LTBP1: variants seen among roughly 807,000 people sequenced by gnomAD.
LTBP1 encodes latent transforming growth factor beta binding protein 1, also known as latent-transforming growth factor beta-binding protein 1.
Under a neutral mutation model 207.6 loss-of-function variants are expected in LTBP1, and 129 were observed. The ratio of observed to expected loss-of-function variants is 0.62; its 90% CI spans 0.54 to 0.72. The LOEUF (loss-of-function observed/expected upper bound fraction) is 0.72. LTBP1 is among the 30% of genes least tolerant of loss of function. The pLI is 0.00. For missense variants in LTBP1, 2,281 were observed against 2,217.2 expected (o/e 1.03, Z -0.58); for synonymous variants, 963 against 833.7 (o/e 1.16, Z -2.67).
At chr2:33,200,043 A>G (rs2089033935) in intron 7 of LTBP1, among the ~76,000 whole-genome samples, 1 of 152,196 alleles carries the variant, frequency 6.6e-6, no homozygotes, top group Non-Finnish European at 1.5e-5. Flanking sequence ...GAAAATGGCC[A>G]TACTGCCCAA....
chr2:33,382,836 G>C (rs1165963103), intron 31 of LTBP1, among the ~76,000 whole-genome samples: 1 of 152,158 alleles, frequency 6.6e-6, no homozygotes, highest in East Asian at 1.9e-4. Flanking sequence ...ACATATTTTA[G>C]TTTTAGGGAA....
Position 33,257,522 on chromosome 2 carries a change from T to A in LTBP1, c.2395+11T>A, listed in dbSNP as rs766689805. The A allele has an allele frequency of 6.2e-7, 1 of 1,604,186 alleles. No individual in the cohort carries two copies. The highest frequency in any genetic ancestry group is 8.5e-7 in the Non-Finnish European group (1 of 1,171,260). On this transcript the variant is annotated intron_variant, in intron 12 of 33. Coordinates refer to ENST00000404816, the MANE Select transcript of LTBP1 (RefSeq NM_206943.4). ...TGGCGGAGCCAGAAGGTGAGAGCGGTAATGGATCATGGACTCTAGACATCT... is the reference window on the plus strand; with the variant it reads ...TGGCGGAGCCAGAAGGTGAGAGCGGAAATGGATCATGGACTCTAGACATCT...
chr2:33,092,097 A>G (rs1306554143), intron 3 of LTBP1, among the ~76,000 whole-genome samples: 2 of 152,284 alleles, frequency 1.3e-5, no homozygotes, highest in East Asian at 3.9e-4. Flanking sequence ...CTTGTTCTAT[A>G]GTTCTTTGCC....
intron 3 of LTBP1, among the ~76,000 whole-genome samples, chr2:33,067,046 C>CT (rs2077546471): frequency 6.6e-6 from 1 of 152,158 alleles, no homozygotes; most frequent in Non-Finnish European, 1.5e-5. Context: ...TGGTGGCATG[C>CT]CTGTAGTCCC....
At chr2:33,224,430 GTTTA>G (rs888312182) in intron 9 of LTBP1, among the ~76,000 whole-genome samples, 2 of 152,128 alleles carry the variant, frequency 1.3e-5, no homozygotes, top group African/African-American at 4.8e-5. Flanking sequence ...GGTATGGTGT[GTTTA>G]TTTGTTTGCC....
chr2:33,278,451 C>G (rs2093492101), intron 18 of LTBP1, among the ~76,000 whole-genome samples: 1 of 152,200 alleles, frequency 6.6e-6, no homozygotes, highest in African/African-American at 2.4e-5. Flanking sequence ...AGAAGATTTT[C>G]TCAGCTGTCA....
intron 20 of LTBP1, among the ~76,000 whole-genome samples, chr2:33,297,419 ATTTATTT>A: frequency 2.0e-5 from 3 of 148,194 alleles, no homozygotes; most frequent in Non-Finnish European, 4.5e-5. Context: ...TTATTTATTT[ATTTATTT>A]ATTTATTTAT....
chr2:33,001,386 G>T (rs946900483), intron 2 of LTBP1, among the ~76,000 whole-genome samples: 3 of 135,028 alleles, frequency 2.2e-5, no homozygotes, highest in Non-Finnish European at 4.9e-5. Context: ...TCTGAGGTGG[G>T]ACGTGAGAAC....
chr2:33,389,939 A>G (rs923921087), intron 32 of LTBP1, among the ~76,000 whole-genome samples: 2 of 152,154 alleles, frequency 1.3e-5, no homozygotes, highest in African/African-American at 2.4e-5. Flanking sequence ...TGCCCTGCCT[A>G]TCATTATAAT....
At chr2:33,301,828 C>G (rs10495788) in intron 22 of LTBP1, among the ~76,000 whole-genome samples, 184 bp downstream of exon 22, 4,049 of 152,278 alleles carry the variant, frequency 0.027, 179 homozygotes, top group East Asian at 0.17. Context: ...TCCAGATTAT[C>G]TTTGCACTGC....
intron 3 of LTBP1, among the ~76,000 whole-genome samples, chr2:33,094,103 G>GT (rs2079256257): frequency 6.6e-6 from 1 of 152,086 alleles, no homozygotes; most frequent in South Asian, 2.1e-4. Context: ...AGCTTTTAGA[G>GT]TTTTTCATAT....
At chr2:33,213,131 G>C (rs1409953804) in intron 7 of LTBP1, among the ~76,000 whole-genome samples, 2 of 152,018 alleles carry the variant, frequency 1.3e-5, no homozygotes, top group Non-Finnish European at 2.9e-5. Flanking sequence ...CTGAATCCTG[G>C]GACAGCTGTG....
intron 31 of LTBP1, among the ~76,000 whole-genome samples, chr2:33,375,702 G>GT (rs1489393884): frequency 2.6e-4 from 35 of 136,746 alleles, no homozygotes; most frequent in South Asian, 7.0e-4. Flanking sequence ...TAATTTTTTT[G>GT]TATTTTTTTT....
chr2:33,382,111 T>TTTTTTTTTTTTTTTTTTTTTTTTTTG (rs1553316521), intron 31 of LTBP1, among the ~76,000 whole-genome samples: 1 of 103,622 alleles, frequency 9.7e-6, no homozygotes, highest in African/African-American at 4.8e-5. Flanking sequence ...TTTTTTTTTT[T>TTTTTTTTTTTTTTTTTTTTTTTTTTG]TGAGACAGAG....
In LTBP1 at chr2:33,082,431, A is replaced by AATT. The variant is rs2078468929; in HGVS notation, c.864-28151_864-28150insATT. Among the ~76,000 whole-genome samples the AATT allele has an allele frequency of 5.2e-5, 6 of 116,044 alleles. 2 individuals carry two copies. The highest frequency in any genetic ancestry group is 1.7e-4 in the African/African-American group (5 of 29,924). 76.1% of individuals were successfully genotyped at this position (116,044 alleles called of 152,430 possible). A position where few individuals can be genotyped will look rare whatever the true frequency, so the allele number is the denominator to read the frequency against. On this transcript the variant is annotated intron_variant, in intron 3 of 33. Coordinates refer to ENST00000404816, the MANE Select transcript of LTBP1 (RefSeq NM_206943.4). ...GTTAACCGTGGCTAAAGTATGACTC[A>AATT]CTTTTTTTTTTTTTTTTTTTTTTTT...
chr2:32,968,915 G>GTT (rs758748013), intron 2 of LTBP1, among the ~76,000 whole-genome samples: 10 of 86,242 alleles, frequency 1.2e-4, no homozygotes, highest in African/African-American at 2.9e-4. Flanking sequence ...GTGTGTGTGT[G>GTT]TATTTTTTTT....
In LTBP1 at chr2:33,134,154, T is replaced by C. The variant is rs1468662694; in HGVS notation, c.1034-639T>C. Among the ~76,000 whole-genome samples, 1 of 152,204 alleles carries C rather than the reference T, an allele frequency of 6.6e-6. No individual in the cohort carries two copies. The highest frequency in any genetic ancestry group is 1.5e-5 in the Non-Finnish European group (1 of 68,042). On this transcript the variant is annotated intron_variant, in intron 4 of 33. Coordinates refer to ENST00000404816, the MANE Select transcript of LTBP1 (RefSeq NM_206943.4). This position sits in a 1 kb window ranked among gnomAD's most constrained non-coding sequence, Gnocchi z 4.4. Reference sequence around the variant, plus strand: ...CCCGTTCACAGGAAAACAAAATATATGTTGCCTAAATTCTTATGGAGAAAT... The same window carrying C: ...CCCGTTCACAGGAAAACAAAATATACGTTGCCTAAATTCTTATGGAGAAAT...
chr2:33,102,958 G>C (rs2079824541), intron 3 of LTBP1, among the ~76,000 whole-genome samples: 1 of 151,896 alleles, frequency 6.6e-6, no homozygotes, highest in Non-Finnish European at 1.5e-5. Context: ...GGCATAGTCT[G>C]TATGCTGTAT....
intron 7 of LTBP1, among the ~76,000 whole-genome samples, chr2:33,217,209 C>T (rs2090777855): frequency 6.6e-6 from 1 of 152,108 alleles, no homozygotes; most frequent in African/African-American, 2.4e-5. Context: ...ACAGATACAA[C>T]TAAAATCTAA....
Sources: gnomAD v4.1 joint callset for allele counts (sites outside exome capture counted in the v4.1 genomes callset) on GRCh38, gnomAD v4.1.1 for gene constraint, Gnocchi (gnomAD v3.1) non-coding constraint, MANE v1.5 for transcripts, NCBI Gene and HGNC (gene_info 2026-07-23, HGNC 2026-07-21) for gene names.